CARMIL1: variants seen among roughly 807,000 people sequenced by gnomAD.
CARMIL1 encodes the protein F-actin-uncapping protein LRRC16A.
CARMIL1 carries 90 observed loss-of-function variants against 177.1 expected under a neutral mutation model. The observed-to-expected ratio is 0.51, with a 90% CI of 0.43 to 0.61. CARMIL1 has a LOEUF of 0.61. Among genes scored for constraint, CARMIL1 ranks in the 20% least tolerant of loss-of-function variants. CARMIL1 has a pLI of 0.00. For synonymous variants in CARMIL1, 577 were observed against 606.2 expected, an observed-to-expected ratio of 0.95 and a Z score of 0.71; for missense variants, 1,380 against 1,667.0, an observed-to-expected ratio of 0.83 and a Z score of 3.00.
intron 2 of CARMIL1, among the ~76,000 whole-genome samples, chr6:25,370,532 T>C (rs1204311824): frequency 6.6e-6 from 1 of 152,204 alleles, no homozygotes. Context: ...CATGATGTGC[T>C]TGCTCTTAAG....
chr6:25,608,732 T>A (rs1346589365), intron 35 of CARMIL1, among the ~76,000 whole-genome samples: 3 of 152,228 alleles, frequency 2.0e-5, no homozygotes, highest in African/African-American at 7.2e-5. Context: ...TATCTTCACA[T>A]GTCTTATCAC....
intron 8 of CARMIL1, chr6:25,452,452 T>A: frequency 4.1e-6 from 2 of 488,658 alleles, no homozygotes; most frequent in Non-Finnish European, 7.2e-6. Flanking sequence ...TCAGCGTTTT[T>A]GGTCCCTTTA....
chr6:25,286,118 C>G (rs1465787297), intron 2 of CARMIL1, among the ~76,000 whole-genome samples: 1 of 152,232 alleles, frequency 6.6e-6, no homozygotes, highest in African/African-American at 2.4e-5. Flanking sequence ...AGCGATCTGC[C>G]TGCCTCGGCC....
chr6:25,524,271 T>G (rs1029066180), intron 23 of CARMIL1, among the ~76,000 whole-genome samples: 1 of 152,176 alleles, frequency 6.6e-6, no homozygotes, highest in African/African-American at 2.4e-5. Flanking sequence ...AAACAAAAAC[T>G]AATCATAAGA....
At chr6:25,518,160 A>G (rs1288876829) in intron 22 of CARMIL1, among the ~76,000 whole-genome samples, 1 of 152,166 alleles carries the variant, frequency 6.6e-6, no homozygotes, top group East Asian at 1.9e-4. Flanking sequence ...GGAAATGCTC[A>G]TTATTTTGTG....
intron 2 of CARMIL1, among the ~76,000 whole-genome samples, chr6:25,401,724 C>T (rs1332977497): frequency 6.6e-6 from 1 of 152,192 alleles, no homozygotes; most frequent in Non-Finnish European, 1.5e-5. Context: ...TCATTTGAAT[C>T]TGGTAGGGTT....
At chr6:25,501,069 T>TCG (rs1436089128) in intron 17 of CARMIL1, among the ~76,000 whole-genome samples, 2 of 152,090 alleles carry the variant, frequency 1.3e-5, no homozygotes, top group Admixed American at 6.6e-5. Context: ...GCCTAAACTG[T>TCG]CTATGTTTTA....
At chr6:25,282,292 G>A (rs572888678) in intron 1 of CARMIL1, among the ~76,000 whole-genome samples, 1 of 152,092 alleles carries the variant, frequency 6.6e-6, no homozygotes, top group African/African-American at 2.4e-5. Flanking sequence ...AATTTCAGAT[G>A]CCCATTTCCC....
At position 25,581,336 on chromosome 6, in the gene CARMIL1, C is replaced by G; in HGVS notation, c.2903C>G (p.Ser968Trp). 1 of 1,613,752 alleles carries G rather than the reference C, an allele frequency of 6.2e-7. No homozygotes were observed. Among genetic ancestry groups the G allele is most frequent in the Non-Finnish European group, 8.5e-7 (1 of 1,179,832 alleles). ...FPSLRQEKRS[S>W]GFISELPSEE... ...TCCCTCAGACAGGAGAAGCGGAGCT[C>G]GGGATTTATCTCTGAGTTGCCCTCT... Residue 968 changes from serine (S) to tryptophan (W), a missense_variant, in exon 31 of 37, where the codon TCG becomes TGG. Coordinates refer to ENST00000329474, the MANE Select transcript of CARMIL1 (RefSeq NM_017640.6).
intron 31 of CARMIL1, among the ~76,000 whole-genome samples, chr6:25,584,128 A>G: frequency 6.6e-6 from 1 of 150,680 alleles, no homozygotes; most frequent in East Asian, 2.0e-4. Context: ...CTTGGGCTCA[A>G]GCAATAACAA....
chr6:25,545,612 A>G (rs114224230), intron 26 of CARMIL1, among the ~76,000 whole-genome samples: 2,202 of 152,270 alleles, frequency 0.014, 33 homozygotes, highest in African/African-American at 0.041. Flanking sequence ...GTGCACAACA[A>G]AAGGAGAATG....
chr6:25,363,594 T>C (rs1022011232), intron 2 of CARMIL1, among the ~76,000 whole-genome samples: 1 of 152,216 alleles, frequency 6.6e-6, no homozygotes, highest in Non-Finnish European at 1.5e-5. Flanking sequence ...GCTACATTGC[T>C]GAGCATTTCC....
intron 9 of CARMIL1, among the ~76,000 whole-genome samples, 199 bp downstream of exon 9, chr6:25,466,147 T>A (rs1395988415): frequency 6.6e-6 from 1 of 152,222 alleles, no homozygotes; most frequent in Non-Finnish European, 1.5e-5. Context: ...TATTTCCTCA[T>A]GTATTCAGCT....
chr6:25,466,477 G>T (rs369083338), intron 9 of CARMIL1, among the ~76,000 whole-genome samples: 1 of 152,214 alleles, frequency 6.6e-6, no homozygotes, highest in East Asian at 1.9e-4. Context: ...AAAAATATTT[G>T]GTATATTTTA....
chr6:25,469,331 A>G (rs1040173027), intron 9 of CARMIL1, among the ~76,000 whole-genome samples: 2 of 152,206 alleles, frequency 1.3e-5, no homozygotes, highest in Non-Finnish European at 2.9e-5. Flanking sequence ...CTGTGTTCCA[A>G]TTATGGTTAA....
At position 25,538,044 on chromosome 6, in the gene CARMIL1, G is replaced by A. The variant is rs1053586198; in HGVS notation, c.2196+61G>A. ...TAATAAAAACGTTTCATAAAATTTA[G>A]TTTTAGAAACCAGTTTCAACTTTCT... On this transcript the variant is annotated intron_variant, in intron 25 of 36. Transcript: ENST00000329474. 8 of 1,496,518 alleles carry A rather than the reference G, an allele frequency of 5.3e-6. No homozygotes were observed. The African/African-American group carries it at 9.9e-5, about 18-fold the overall frequency. The allele number at this position is 1,496,518 out of a possible 1,614,324, so 92.7% of individuals were successfully genotyped here.
Position 25,619,452 on chromosome 6 carries a change from A to G in CARMIL1, c.3985A>G (p.Arg1329Gly), listed in dbSNP as rs373152050. Residue 1329 changes from arginine to glycine, a missense_variant, in exon 37 of 37, where the codon AGG (arginine) becomes GGG (glycine). By Grantham distance (125) the Arg-to-Gly change is moderately radical. Transcript: ENST00000329474. The part of the protein sequence containing the change: ...SPRTFSQEVS[R>G]RSWGQQAQEY... ...GACTTCCCTTTTTATTTCAGTTTCA[A>G]GGAGAAGCTGGGGCCAGCAGGCCCA... is the stretch of plus-strand genomic sequence containing the variant. 9 of 1,610,230 alleles carry G rather than the reference A, an allele frequency of 5.6e-6. No individual in the cohort carries two copies. The highest frequency in any genetic ancestry group is 5.4e-5 in the African/African-American group (4 of 74,470).
intron 3 of CARMIL1, among the ~76,000 whole-genome samples, chr6:25,422,481 C>T (rs570124298): frequency 3.3e-5 from 5 of 151,816 alleles, no homozygotes; most frequent in Admixed American, 6.6e-5. Flanking sequence ...TTTTTCCTCC[C>T]GATCATACAA....
chr6:25,424,701 G>A (rs1034178860), intron 3 of CARMIL1, among the ~76,000 whole-genome samples: 1 of 152,186 alleles, frequency 6.6e-6, no homozygotes, highest in Non-Finnish European at 1.5e-5. Context: ...GAATATTGAT[G>A]AAAGTGAATT....
Sources: allele counts gnomAD v4.1 joint callset (sites outside exome capture counted in the v4.1 genomes callset), GRCh38; gene constraint gnomAD v4.1.1; transcripts MANE v1.5; gene names NCBI Gene and HGNC (gene_info 2026-07-23, HGNC 2026-07-21).